Variants in MYZAP observed in about 807,000 individuals in gnomAD.
The protein encoded by MYZAP is myocardial zonula adherens protein.
In MYZAP, 66 loss-of-function variants were observed where a neutral mutation model predicts 69.4. The observed-to-expected ratio is 0.95, with a 90% CI of 0.78 to 1.17. The LOEUF is 1.17. MYZAP is among the 50% of genes most tolerant of loss of function. The pLI is 0.00. For synonymous variants in MYZAP, 256 were observed against 205.9 expected, an observed-to-expected ratio of 1.24 and a Z score of -2.09; for missense variants, 611 against 556.2, an observed-to-expected ratio of 1.10 and a Z score of -0.99.
At chr15:57,635,513 C>T (rs180930533) in intron 8 of MYZAP, among the ~76,000 whole-genome samples, 1 of 152,342 alleles carries the variant, frequency 6.6e-6, no homozygotes, top group African/African-American at 2.4e-5. Flanking sequence ...GCTGGTAAGG[C>T]CAGCCCTCCC....
At chr15:57,648,096 G>C (rs2037538006) in intron 10 of MYZAP, 4 of 943,842 alleles carry the variant, frequency 4.2e-6, no homozygotes, top group Non-Finnish European at 4.9e-6. Flanking sequence ...TCTAATTCTA[G>C]TGTTTAGCAT....
intron 12 of MYZAP, among the ~76,000 whole-genome samples, chr15:57,683,696 G>T (rs2140684232): frequency 6.6e-6 from 1 of 152,340 alleles, no homozygotes; most frequent in East Asian, 1.9e-4. Flanking sequence ...GGTGCCAGCA[G>T]ATCCAGTGTT....
At chr15:57,641,289 A>C (rs1364840538) in intron 10 of MYZAP, among the ~76,000 whole-genome samples, 1 of 152,200 alleles carries the variant, frequency 6.6e-6, no homozygotes, top group African/African-American at 2.4e-5. Flanking sequence ...AGAAGTTTAG[A>C]ATTCTCTGTT....
At chr15:57,638,336 C>T (rs1041620378) in intron 9 of MYZAP, among the ~76,000 whole-genome samples, 1 of 152,108 alleles carries the variant, frequency 6.6e-6, no homozygotes. Context: ...ACTTAACCTC[C>T]CTGAGTCTTG....
chr15:57,674,161 C>G (rs1288729462), intron 11 of MYZAP, among the ~76,000 whole-genome samples: 3 of 151,998 alleles, frequency 2.0e-5, no homozygotes, highest in African/African-American at 7.2e-5. Flanking sequence ...CATTTTTGCC[C>G]TTCGGATTTC....
At chr15:57,674,005 C>T (rs1175832572) in intron 11 of MYZAP, among the ~76,000 whole-genome samples, 1 of 152,160 alleles carries the variant, frequency 6.6e-6, no homozygotes, top group African/African-American at 2.4e-5. Context: ...AGCATACAAC[C>T]AGGAAGATAG....
At chr15:57,597,532 G>T (rs988182552) in intron 1 of MYZAP, among the ~76,000 whole-genome samples, 5 of 152,178 alleles carry the variant, frequency 3.3e-5, no homozygotes, top group African/African-American at 1.2e-4. Context: ...GGGGCAGGGA[G>T]GGGGAGTCCT....
At position 57,618,096 on chromosome 15, in the gene MYZAP, G is replaced by T. The variant is rs765666243; in HGVS notation, c.226G>T (p.Val76Leu). 4 of 1,614,048 alleles carry T rather than the reference G, an allele frequency of 2.5e-6. No individual in the cohort carries two copies. The highest frequency in any genetic ancestry group is 1.7e-5 in the Admixed American group (1 of 59,996). Residue 76 changes from valine to leucine, a missense_variant, in exon 3 of 13, where the codon GTG becomes TTG. Val to Leu is a conservative substitution (Grantham distance 32). Transcript: ENST00000267853. ...KLPQGVVYGV[V>L]RRSDQNQQKE... The stretch of plus-strand genomic sequence containing the variant: ...TCCTCAGGGTGTTGTTTATGGTGTG[G>T]TGCGAAGATCAGATCAAAATCAGCA...
intron 10 of MYZAP, among the ~76,000 whole-genome samples, chr15:57,654,262 C>T (rs2037889957): frequency 6.6e-6 from 1 of 152,032 alleles, no homozygotes; most frequent in East Asian, 1.9e-4. Flanking sequence ...TTTAGTGTGA[C>T]ATCTTCTGTT....
intron 2 of MYZAP, among the ~76,000 whole-genome samples, chr15:57,608,555 G>A (rs1385878776): frequency 6.6e-6 from 1 of 152,166 alleles, no homozygotes; most frequent in Non-Finnish European, 1.5e-5. Flanking sequence ...ACTGCTTTAT[G>A]CTGACCACAG....
At chr15:57,653,813 T>C (rs1223598550) in intron 10 of MYZAP, among the ~76,000 whole-genome samples, 1 of 151,802 alleles carries the variant, frequency 6.6e-6, no homozygotes, top group East Asian at 1.9e-4. Context: ...GAAAACAGCC[T>C]AAGTAACATA....
At chr15:57,684,115 A>G (rs553566629) in intron 12 of MYZAP, among the ~76,000 whole-genome samples, 4 of 104,298 alleles carry the variant, frequency 3.8e-5, no homozygotes, top group East Asian at 4.1e-4. Context: ...TCATAAGGCC[A>G]CTAATCCCAT....
intron 11 of MYZAP, among the ~76,000 whole-genome samples, chr15:57,668,705 T>C (rs1351697424): frequency 1.3e-5 from 2 of 152,054 alleles, no homozygotes; most frequent in Admixed American, 6.5e-5. Context: ...GAAGTGTCTG[T>C]TCCAATCTTT....
At position 57,591,932 on chromosome 15, in the gene MYZAP, G is replaced by GCCGGCGCCGT. The variant is rs1429814924; in HGVS notation, c.-100_-91dup. 5 of 1,118,202 alleles carry GCCGGCGCCGT rather than the reference G, an allele frequency of 4.5e-6. No individual in the cohort carries two copies. The highest frequency in any genetic ancestry group is 5.6e-6 in the Non-Finnish European group (5 of 889,848). The allele number at this position is 1,118,202 out of a possible 1,614,324, so 69.3% of individuals were successfully genotyped here. A position where few individuals can be genotyped will look rare whatever the true frequency, so the allele number is the denominator to read the frequency against. On this transcript the variant is annotated 5_prime_UTR_variant, in exon 1 of 13. Coordinates refer to ENST00000267853, the MANE Select transcript of MYZAP (RefSeq NM_001018100.5). ...CGCGGTGCAGCTGAGGCTGCAAGTA[G>GCCGGCGCCGT]CCGGCGCCGTCCCGCGTCGCCCCCG...
chr15:57,601,278 G>A (rs1343074058), intron 1 of MYZAP, among the ~76,000 whole-genome samples: 1 of 151,044 alleles, frequency 6.6e-6, no homozygotes, highest in Non-Finnish European at 1.5e-5. Flanking sequence ...GCACACTTGT[G>A]TGTGTGTGTG....
At chr15:57,629,582 T>G (rs1301014120) in intron 5 of MYZAP, 120 bp from the exon 6 acceptor site, 1 of 1,353,580 alleles carries the variant, frequency 7.4e-7, no homozygotes, top group Non-Finnish European at 9.9e-7. Flanking sequence ...GACTGGCAGT[T>G]GCTGTAGCCT....
At chr15:57,668,896 T>TA (rs1567237446) in intron 11 of MYZAP, among the ~76,000 whole-genome samples, 27 of 122,306 alleles carry the variant, frequency 2.2e-4, no homozygotes, top group African/African-American at 9.1e-4. Context: ...ATATATATAT[T>TA]TTTTTTTTTT....
At chr15:57,617,854 T>C (rs1264842555) in intron 2 of MYZAP, among the ~76,000 whole-genome samples, 179 bp from the exon 3 acceptor site, 1 of 152,192 alleles carries the variant, frequency 6.6e-6, no homozygotes, top group African/African-American at 2.4e-5. Flanking sequence ...AGCCCAAGCC[T>C]ATGCCAAATC....
chr15:57,609,868 T>C (rs1316700665), intron 2 of MYZAP, among the ~76,000 whole-genome samples: 8 of 152,234 alleles, frequency 5.3e-5, no homozygotes, highest in African/African-American at 1.4e-4. Context: ...CCTGTTGTTT[T>C]CAAAGAACTC....
Sources: allele counts gnomAD v4.1 joint callset (sites outside exome capture counted in the v4.1 genomes callset), GRCh38; gene constraint gnomAD v4.1.1; transcripts MANE v1.5; gene names NCBI Gene and HGNC (gene_info 2026-07-23, HGNC 2026-07-21).